Variants in PDE1A observed in about 807,000 individuals in gnomAD.
PDE1A encodes dual specificity calcium/calmodulin-dependent 3',5'-cyclic nucleotide phosphodiesterase 1A.
Under a neutral mutation model 61.7 loss-of-function variants are expected in PDE1A, and 35 were observed. The observed-to-expected ratio is 0.57, with a 90% confidence interval of 0.43 to 0.75. PDE1A has a LOEUF of 0.75. Ranked by LOEUF, PDE1A falls within the 30% of genes least tolerant of loss-of-function variation. The pLI is 0.00. For synonymous variants in PDE1A, 232 were observed against 213.2 expected, an observed-to-expected ratio of 1.09 and a Z score of -0.77; for missense variants, 597 against 630.6, an observed-to-expected ratio of 0.95 and a Z score of 0.57.
chr2:182,490,310 G>A (rs1559508615), intron 2 of PDE1A, among the ~76,000 whole-genome samples: 1 of 152,226 alleles, frequency 6.6e-6, no homozygotes, highest in South Asian at 2.1e-4. Context: ...GAGTTTTACT[G>A]TAAAGGAGAA....
At chr2:182,267,091 G>C (rs1400910360) in intron 1 of PDE1A, among the ~76,000 whole-genome samples, 1 of 151,964 alleles carries the variant, frequency 6.6e-6, no homozygotes, top group Non-Finnish European at 1.5e-5. Flanking sequence ...AGTACCCTAG[G>C]AGACCATGGA....
chr2:182,337,355 T>A (rs1451410887), intron 1 of PDE1A, among the ~76,000 whole-genome samples: 1 of 152,142 alleles, frequency 6.6e-6, no homozygotes, highest in Non-Finnish European at 1.5e-5. Context: ...TGAAACATAC[T>A]TAGTTAACCA....
At chr2:182,559,569 C>T in the PDE1A span, among the ~76,000 whole-genome samples, 2 of 152,136 alleles carry the variant, frequency 1.3e-5, no homozygotes, top group Non-Finnish European at 2.9e-5. Flanking sequence ...AACTACTTTA[C>T]GGTACCTACT....
the PDE1A span, among the ~76,000 whole-genome samples, chr2:182,602,965 G>A: frequency 6.7e-6 from 1 of 149,416 alleles, no homozygotes; most frequent in Admixed American, 6.6e-5. Flanking sequence ...TGACACTCGG[G>A]TTGCCCTAAA....
At chr2:182,536,820 C>T in the PDE1A span, among the ~76,000 whole-genome samples, 1 of 152,182 alleles carries the variant, frequency 6.6e-6, no homozygotes, top group East Asian at 1.9e-4. Flanking sequence ...GGCTAACTCT[C>T]TCCCTCAGGA....
the PDE1A span, among the ~76,000 whole-genome samples, chr2:182,711,462 G>A: frequency 6.6e-6 from 1 of 151,878 alleles, no homozygotes; most frequent in Admixed American, 6.6e-5. Context: ...TAAATGTGGA[G>A]GTGTATATGT....
intron 2 of PDE1A, among the ~76,000 whole-genome samples, chr2:182,432,402 C>CT (rs932152098): frequency 1.3e-5 from 2 of 151,360 alleles, no homozygotes; most frequent in East Asian, 1.9e-4. Flanking sequence ...ATTAAAGTAT[C>CT]TTTTTTTAAA....
At chr2:182,679,191 AT>A in the PDE1A span, among the ~76,000 whole-genome samples, 14 of 138,218 alleles carry the variant, frequency 1.0e-4, no homozygotes, top group South Asian at 1.2e-3. Context: ...TATTATTATT[AT>A]TTTTTTTTTG....
rs186513679 is a variant in PDE1A at position 182,238,191 on chromosome 2, C to G, written c.350+1919G>C. ...GGCTGAGGCAGGAGAATCACTTGAA[C>G]CCGGGAGGCGGAGCTTGCAGGGAGC... is the stretch of plus-strand genomic sequence containing the variant. On this transcript the variant is annotated intron_variant, in intron 3 of 13. Transcript: ENST00000351439. Among the ~76,000 whole-genome samples the G allele has an allele frequency of 2.7e-3, 395 of 147,938 alleles. 2 individuals are homozygous for G. In the South Asian group the frequency reaches 0.039, roughly 14 times the overall value.
Position 182,439,212 on chromosome 2 carries a change from C to T in PDE1A, c.101+83064G>A, listed in dbSNP as rs114692555. 9.7e-3 allele frequency among the ~76,000 whole-genome samples: 1,465 copies of T among 151,504 alleles called. 23 individuals carry two copies. Among genetic ancestry groups the T allele is most frequent in the African/African-American group, 0.033 (1,379 of 41,316 alleles). Reference sequence around the variant, plus strand: ...GGTAACACATAGTGAATTTGTGATGCCAAAAGATGGTTCAAGTGAAGATAT... The same window carrying T: ...GGTAACACATAGTGAATTTGTGATGTCAAAAGATGGTTCAAGTGAAGATAT... On this transcript the variant is annotated intron_variant, in intron 2 of 14. Transcript: ENST00000410103.
Position 182,269,083 on chromosome 2 carries a change from AAAC to A in PDE1A, c.54-4672_54-4670del, listed in dbSNP as rs367866344. Among the ~76,000 whole-genome samples the A allele has an allele frequency of 5.5e-3, 845 of 152,328 alleles. 9 individuals carry two copies. Among genetic ancestry groups the A allele is most frequent in the South Asian group, 0.04 (195 of 4,830 alleles). ...TGTTATTATACAAATAAAATAATAT[AAAC>A]AACATTATGCCAATAAATTCAATAA... On this transcript the variant is annotated intron_variant, in intron 1 of 13. Coordinates refer to ENST00000351439, the Ensembl canonical transcript of PDE1A.
At chr2:182,714,428 C>T in the PDE1A span, among the ~76,000 whole-genome samples, 1 of 152,194 alleles carries the variant, frequency 6.6e-6, no homozygotes. Flanking sequence ...GAACCTTGAA[C>T]TAGATATGTC....
intron 13 of PDE1A, among the ~76,000 whole-genome samples, chr2:182,184,548 G>A (rs1377393091): frequency 1.3e-5 from 2 of 152,142 alleles, no homozygotes; most frequent in Admixed American, 6.6e-5. Context: ...TTGTTTGTCA[G>A]TATAACTGTG....
chr2:182,335,053 AG>A (rs546913810), intron 1 of PDE1A, among the ~76,000 whole-genome samples: 149 of 152,298 alleles, frequency 9.8e-4, no homozygotes, highest in African/African-American at 3.3e-3. Context: ...AAAGTAACTA[AG>A]AATACAGCTT....
Position 182,522,275 on chromosome 2 carries a change from C to T in PDE1A, c.101+1G>A. ...AAATAAAAAGCAAAGAGCATACTCA[C>T]ATTCCTTTCAGGCGCTGCCACATTT... On this transcript the variant is annotated splice_donor_variant, in intron 2 of 14. Coordinates refer to the PDE1A transcript ENST00000410103. LOFTEE classifies it high-confidence loss of function. The T allele has an allele frequency of 6.2e-7, 1 of 1,611,898 alleles. No individual in the cohort carries two copies. The highest frequency in any genetic ancestry group is 8.5e-7 in the Non-Finnish European group (1 of 1,178,246).
At chr2:182,304,406 T>G (rs761259744) in intron 1 of PDE1A, among the ~76,000 whole-genome samples, 2 of 152,224 alleles carry the variant, frequency 1.3e-5, no homozygotes, top group Non-Finnish European at 2.9e-5. Context: ...TTCTTATAAT[T>G]CATGTTTTCA....
chr2:182,593,439 A>G, the PDE1A span, among the ~76,000 whole-genome samples: 1 of 152,232 alleles, frequency 6.6e-6, no homozygotes, highest in East Asian at 1.9e-4. Context: ...GAGATCATAT[A>G]GAAGCCCCAT....
rs567950273 is a variant in PDE1A, at chr2:182,189,720, T to A, written c.1126-660A>T. ...TTAAAGAATTCCATTTATATTGGGGTTTTACTTCATGAGAAGTAATTAAAT... is the reference window on the plus strand; with the variant it reads ...TTAAAGAATTCCATTTATATTGGGGATTTACTTCATGAGAAGTAATTAAAT... On this transcript the variant is annotated intron_variant, in intron 10 of 13. Coordinates refer to ENST00000351439, the Ensembl canonical transcript of PDE1A. 9.4e-4 allele frequency among the ~76,000 whole-genome samples: 143 copies of A among 152,306 alleles called. 6 individuals carry two copies. The South Asian group carries it at 0.028, about 30-fold the overall frequency.
intron 3 of PDE1A, among the ~76,000 whole-genome samples, chr2:182,235,970 T>C (rs1689978294): frequency 6.6e-6 from 1 of 152,248 alleles, no homozygotes; most frequent in Non-Finnish European, 1.5e-5. Flanking sequence ...AAGCAATTTA[T>C]CATGTTTTCC....
Sources: gnomAD v4.1 joint callset for allele counts (sites outside exome capture counted in the v4.1 genomes callset) on GRCh38, gnomAD v4.1.1 for gene constraint, MANE v1.5 for transcripts, NCBI Gene and HGNC (gene_info 2026-07-23, HGNC 2026-07-21) for gene names.